Variants in PDSS2 observed in about 807,000 individuals in gnomAD.
PDSS2 encodes all trans-polyprenyl-diphosphate synthase PDSS2.
In PDSS2, 31 loss-of-function variants were observed where a neutral mutation model predicts 44.5. That is an observed-to-expected ratio of 0.70 (90% CI 0.52 to 0.94). The LOEUF (loss-of-function observed/expected upper bound fraction) is 0.94, where lower values mean the gene tolerates loss of function less well. PDSS2 is among the 40% of genes least tolerant of loss of function. The probability of loss-of-function intolerance (pLI) is 0.00; values close to 1 mark genes in which losing one functional copy is unlikely to be tolerated. For synonymous variants in PDSS2, 157 were observed against 180.3 expected (o/e 0.87, Z 1.03); for missense variants, 452 against 482.2 (o/e 0.94, Z 0.59).
At chr6:107,188,766 C>A (rs1029766209) in intron 7 of PDSS2, among the ~76,000 whole-genome samples, 1 of 152,084 alleles carries the variant, frequency 6.6e-6, no homozygotes, top group Non-Finnish European at 1.5e-5. Context: ...GTGGCACCTC[C>A]CCTCTCTTGC....
chr6:107,395,704 T>C (rs319117), intron 1 of PDSS2, among the ~76,000 whole-genome samples: 109,725 of 152,096 alleles, frequency 0.72, 40,049 homozygotes, highest in Middle Eastern at 0.79. Context: ...ACATTCTTGT[T>C]TGTCTGCTGA....
intron 4 of PDSS2, among the ~76,000 whole-genome samples, chr6:107,240,693 T>C (rs1435016058): frequency 6.6e-6 from 1 of 151,010 alleles, no homozygotes; most frequent in Non-Finnish European, 1.5e-5. Context: ...CCACCGCACC[T>C]GGCTGAGACC....
chr6:107,267,902 T>TAATA, intron 3 of PDSS2, among the ~76,000 whole-genome samples: 1 of 152,152 alleles, frequency 6.6e-6, no homozygotes. Flanking sequence ...CAAGATTCTC[T>TAATA]AATAGTCTGC....
Position 107,154,448 on chromosome 6 carries a change from T to G in PDSS2, c.*171A>C, listed in dbSNP as rs1176269737. On this transcript the variant is annotated 3_prime_UTR_variant, in exon 8 of 8. Transcript: ENST00000369037. ...ACTGCTTGACCTTTTTTTCTTCTAATTTTGTTTGTAGCAGTTCCAAAAAGA... is the reference window on the plus strand; with the variant it reads ...ACTGCTTGACCTTTTTTTCTTCTAAGTTTGTTTGTAGCAGTTCCAAAAAGA... 1 of 640,706 alleles carries G rather than the reference T, an allele frequency of 1.6e-6. No homozygotes were observed. Among genetic ancestry groups the G allele is most frequent in the Non-Finnish European group, 2.7e-6 (1 of 368,970 alleles). The allele number at this position is 640,706 out of a possible 1,614,324, so 39.7% of individuals were successfully genotyped here.
intron 2 of PDSS2, among the ~76,000 whole-genome samples, chr6:107,323,135 C>T (rs978335343): frequency 2.0e-5 from 3 of 152,182 alleles, no homozygotes; most frequent in African/African-American, 2.4e-5. Context: ...AAGGGTTTAT[C>T]AGTGGACATG....
At chr6:107,186,706 G>A (rs568828273) in intron 7 of PDSS2, among the ~76,000 whole-genome samples, 4 of 152,120 alleles carry the variant, frequency 2.6e-5, no homozygotes, top group East Asian at 1.9e-4. Context: ...GAGAACATGC[G>A]GTGTTTGGTT....
intron 7 of PDSS2, among the ~76,000 whole-genome samples, chr6:107,161,341 G>A (rs1368077086): frequency 2.0e-5 from 3 of 152,020 alleles, no homozygotes; most frequent in African/African-American, 4.8e-5. Context: ...TTAGCCAGGC[G>A]TGGTGCCGGG....
chr6:107,311,948 T>C (rs914121991), intron 2 of PDSS2, among the ~76,000 whole-genome samples: 3 of 152,214 alleles, frequency 2.0e-5, no homozygotes, highest in African/African-American at 4.8e-5. Context: ...TACACACTTA[T>C]GCAGAGTGTG....
chr6:107,425,635 G>A (rs564151239), intron 1 of PDSS2, among the ~76,000 whole-genome samples: 25 of 152,280 alleles, frequency 1.6e-4, no homozygotes, highest in African/African-American at 5.5e-4. Flanking sequence ...GGGAAACTGG[G>A]CATAAAAGTT....
chr6:107,305,658 C>T (rs909398172), intron 2 of PDSS2, among the ~76,000 whole-genome samples: 50 of 152,200 alleles, frequency 3.3e-4, no homozygotes, highest in Non-Finnish European at 8.8e-5. Context: ...GGGCAGCAGA[C>T]ATGGTCTATT....
intron 2 of PDSS2, among the ~76,000 whole-genome samples, chr6:107,318,010 A>G (rs898723871): frequency 6.6e-6 from 1 of 152,208 alleles, no homozygotes; most frequent in African/African-American, 2.4e-5. Context: ...TGTACTCATT[A>G]ATAAGATGCG....
intron 1 of PDSS2, among the ~76,000 whole-genome samples, chr6:107,370,730 ATAATT>A (rs1403601943): frequency 6.6e-6 from 1 of 152,224 alleles, no homozygotes; most frequent in African/African-American, 2.4e-5. Flanking sequence ...CAACTCAAGA[ATAATT>A]TATTTTTATC....
intron 4 of PDSS2, among the ~76,000 whole-genome samples, chr6:107,244,518 T>C (rs1198310010): frequency 2.0e-5 from 3 of 152,200 alleles, no homozygotes; most frequent in African/African-American, 7.2e-5. Context: ...GGTCTCTGCA[T>C]ACCAATATGC....
At chr6:107,435,297 C>T (rs1781316764) in intron 1 of PDSS2, among the ~76,000 whole-genome samples, 1 of 136,860 alleles carries the variant, frequency 7.3e-6, no homozygotes, top group East Asian at 2.0e-4. Flanking sequence ...CACACACACA[C>T]ACACACACAC....
chr6:107,180,159 G>C (rs555933488), intron 7 of PDSS2, among the ~76,000 whole-genome samples: 3 of 152,078 alleles, frequency 2.0e-5, no homozygotes, highest in Non-Finnish European at 2.9e-5. Context: ...GACTAAACAG[G>C]CTTTTCTATA....
chr6:107,210,785 C>T (rs1773171796), intron 5 of PDSS2, among the ~76,000 whole-genome samples: 1 of 152,042 alleles, frequency 6.6e-6, no homozygotes, highest in African/African-American at 2.4e-5. Flanking sequence ...GGGTGGATCA[C>T]CTGAGGTCAG....
chr6:107,429,509 G>A (rs9784883), intron 1 of PDSS2, among the ~76,000 whole-genome samples: 4,085 of 152,102 alleles, frequency 0.027, 204 homozygotes, highest in African/African-American at 0.094. Context: ...CTTTGGCCTC[G>A]AACTATTGAG....
intron 1 of PDSS2, among the ~76,000 whole-genome samples, chr6:107,392,375 T>C (rs1371576842): frequency 6.6e-6 from 1 of 152,216 alleles, no homozygotes; most frequent in Non-Finnish European, 1.5e-5. Context: ...TGAACGGTAA[T>C]GGCTTTAAAA....
At chr6:107,285,538 T>C (rs960172661) in intron 2 of PDSS2, among the ~76,000 whole-genome samples, 2 of 152,024 alleles carry the variant, frequency 1.3e-5, no homozygotes, top group Non-Finnish European at 1.5e-5. Flanking sequence ...AATAGACTAA[T>C]AGATTAGTGA....
Sources: allele counts gnomAD v4.1 joint callset (sites outside exome capture counted in the v4.1 genomes callset), GRCh38; gene constraint gnomAD v4.1.1; transcripts MANE v1.5; gene names NCBI Gene and HGNC (gene_info 2026-07-23, HGNC 2026-07-21).